The following DENND5A variants were observed in gnomAD, a reference collection of about 807,000 sequenced individuals.
DENND5A encodes DENN domain-containing protein 5A.
Under a neutral mutation model 140.3 loss-of-function variants are expected in DENND5A, and 64 were observed. The ratio of observed to expected loss-of-function variants is 0.46; its 90% confidence interval spans 0.37 to 0.56. The LOEUF is 0.56. Among genes scored for constraint, DENND5A ranks in the 20% least tolerant of loss-of-function variants. The pLI is 0.00. For synonymous variants in DENND5A, 605 were observed against 607.7 expected, an observed-to-expected ratio of 1.00 and a Z score of 0.07; for missense variants, 1,292 against 1,593.8, an observed-to-expected ratio of 0.81 and a Z score of 3.22.
intron 1 of DENND5A, among the ~76,000 whole-genome samples, chr11:9,228,239 G>A (rs1459227045): frequency 6.6e-6 from 1 of 151,952 alleles, no homozygotes; most frequent in African/African-American, 2.4e-5. Context: ...CTGGTGACCA[G>A]GGCCACTAAT....
chr11:9,160,409 T>C lies in DENND5A; in HGVS notation c.2436+304A>G, dbSNP rs117498360. On this transcript the variant is annotated intron_variant, in intron 12 of 22. Coordinates refer to ENST00000328194, the MANE Select transcript of DENND5A (RefSeq NM_015213.4). ...ACTTCCTGAGCTCCAACTTCTCTCT[T>C]TCTGGTCTATCTCTAGACTAGGGCC... Among the ~76,000 whole-genome samples the C allele has an allele frequency of 3.3e-5, 5 of 152,338 alleles. No individual in the cohort carries two copies. In the East Asian group the frequency reaches 9.6e-4, roughly 29 times the overall value.
chr11:9,147,108 T>C lies in DENND5A; in HGVS notation c.2779A>G (p.Lys927Glu), dbSNP rs1265223388. ...AGGAGGTGATAGAGGAACTGCTCCTTCTCGTCATCACAGCGCAGGAAGGCA... is the reference window on the plus strand; with the variant it reads ...AGGAGGTGATAGAGGAACTGCTCCTCCTCGTCATCACAGCGCAGGAAGGCA... ...RYAFLRCDDE[K>E]EQFLYHLLSF... Residue 927 changes from lysine to glutamate, a missense_variant, in exon 16 of 23, where the codon AAG (lysine) becomes GAG (glutamate). Physicochemically the swap from Lys to Glu is moderately conservative, Grantham distance 56. This residue lies in a region of DENND5A where 498 missense variants were observed against 689.7 expected (regional missense o/e 0.72). Transcript: ENST00000328194. 1 of 1,613,952 alleles carries C rather than the reference T, an allele frequency of 6.2e-7. No individual in the cohort carries two copies. Among genetic ancestry groups the C allele is most frequent in the East Asian group, 2.2e-5 (1 of 44,902 alleles).
chr11:9,146,612 A>T (rs1847440331), intron 16 of DENND5A, among the ~76,000 whole-genome samples: 1 of 152,256 alleles, frequency 6.6e-6, no homozygotes, highest in Non-Finnish European at 1.5e-5. Flanking sequence ...TACCTCAGAA[A>T]AGAGCTCTTT....
intron 13 of DENND5A, among the ~76,000 whole-genome samples, chr11:9,151,938 G>C (rs1847629409): frequency 6.6e-6 from 1 of 152,170 alleles, no homozygotes; most frequent in South Asian, 2.1e-4. Flanking sequence ...ATTCACACCA[G>C]GACTTGACTT....
At chr11:9,143,375 C>T in intron 20 of DENND5A, 28 bp downstream of exon 20, 9 of 1,582,534 alleles carry the variant, frequency 5.7e-6, no homozygotes, top group Non-Finnish European at 7.8e-6. Flanking sequence ...CAATGTAAGG[C>T]CCTGGATTGG....
intron 1 of DENND5A, among the ~76,000 whole-genome samples, chr11:9,216,147 C>T: frequency 6.6e-6 from 1 of 152,208 alleles, no homozygotes; most frequent in East Asian, 1.9e-4. Flanking sequence ...TGGCTACTTA[C>T]TAATTGTATG....
chr11:9,219,867 A>T (rs1045587194), intron 1 of DENND5A, among the ~76,000 whole-genome samples: 3 of 152,264 alleles, frequency 2.0e-5, no homozygotes, highest in Non-Finnish European at 4.4e-5. Flanking sequence ...GAAATTTTTC[A>T]GATGTTGCAA....
At chr11:9,200,566 T>G (rs1849488608) in intron 4 of DENND5A, among the ~76,000 whole-genome samples, 1 of 152,240 alleles carries the variant, frequency 6.6e-6, no homozygotes, top group Non-Finnish European at 1.5e-5. Context: ...TATTGGAATA[T>G]TTAGTAACAT....
At position 9,240,623 on chromosome 11, in the gene DENND5A, T is replaced by C. The variant is rs374492671; in HGVS notation, c.109+24338A>G. Among the ~76,000 whole-genome samples, 28 of 151,660 alleles carry C rather than the reference T, an allele frequency of 1.8e-4. No individual in the cohort carries two copies. In the East Asian group the frequency reaches 3.1e-3, roughly 17 times the overall value. On this transcript the variant is annotated intron_variant, in intron 1 of 22. Coordinates refer to ENST00000328194, the MANE Select transcript of DENND5A (RefSeq NM_015213.4). The stretch of plus-strand genomic sequence containing the variant: ...TACTCAGGACGATGAGGTGGGAGGA[T>C]CACTTGAGCCCTGGAGGCAGAGTTT...
At chr11:9,263,566 G>A (rs900219837) in intron 1 of DENND5A, among the ~76,000 whole-genome samples, 1 of 149,512 alleles carries the variant, frequency 6.7e-6, no homozygotes, top group African/African-American at 2.4e-5. Context: ...CACTGGGCCG[G>A]GCGCGGTGGC....
At chr11:9,231,015 A>G (rs951179298) in intron 1 of DENND5A, among the ~76,000 whole-genome samples, 1 of 152,088 alleles carries the variant, frequency 6.6e-6, no homozygotes, top group African/African-American at 2.4e-5. Context: ...AAAACCCAAA[A>G]AACTACCTAC....
intron 8 of DENND5A, among the ~76,000 whole-genome samples, chr11:9,177,253 CG>C (rs1158378245): frequency 8.4e-6 from 1 of 118,864 alleles, no homozygotes; most frequent in African/African-American, 3.4e-5. Context: ...GACCCTGTCT[CG>C]AAAAAAAAAA....
In DENND5A at chr11:9,178,236, A is replaced by C. The variant is rs1311800505; in HGVS notation, c.1802T>G (p.Leu601Arg). The change falls in exon 8 of 23, where the codon CTC becomes CGC. Residue 601 changes from leucine to arginine, a missense_variant. Leu to Arg is a moderately radical substitution (Grantham distance 102, BLOSUM62 -2). Transcript: ENST00000328194. Reference protein sequence around the residue: ...CHDDDDKDPVLRVFDSRVDKI... With the variant: ...CHDDDDKDPVRRVFDSRVDKI... ...GTCAACTCGGGAATCAAATACCCGG[A>C]GTACAGGGTCTTTATCATCATCATC... The C allele has an allele frequency of 6.2e-7, 1 of 1,612,976 alleles. No homozygotes were observed.
intron 1 of DENND5A, among the ~76,000 whole-genome samples, chr11:9,251,169 A>T (rs190663902): frequency 4.9e-4 from 75 of 151,786 alleles, no homozygotes; most frequent in East Asian, 7.7e-4. Context: ...AAAGAAAGAT[A>T]TCAAGGAATC....
At chr11:9,247,447 C>A (rs1035596482) in intron 1 of DENND5A, among the ~76,000 whole-genome samples, 2 of 151,692 alleles carry the variant, frequency 1.3e-5, no homozygotes, top group Non-Finnish European at 2.9e-5. Context: ...TAATACAGCT[C>A]TATAATGTTT....
chr11:9,239,413 G>A (rs539176221), intron 1 of DENND5A, among the ~76,000 whole-genome samples: 5 of 148,924 alleles, frequency 3.4e-5, no homozygotes, highest in Admixed American at 1.4e-4. Context: ...CATGACTCAC[G>A]GCAGCCTCAA....
intron 1 of DENND5A, among the ~76,000 whole-genome samples, chr11:9,227,432 G>T (rs149181860): frequency 1.3e-5 from 2 of 152,036 alleles, no homozygotes; most frequent in Non-Finnish European, 2.9e-5. Context: ...CTCCTGGAAC[G>T]CATGAGCACA....
chr11:9,142,679 T>C (rs1419597535), intron 21 of DENND5A, 43 bp downstream of exon 21: 2 of 1,612,168 alleles, frequency 1.2e-6, no homozygotes, highest in Non-Finnish European at 1.7e-6. Flanking sequence ...TCCCCTTATA[T>C]CTCTACATGC....
At chr11:9,253,759 T>C (rs1214527331) in intron 1 of DENND5A, among the ~76,000 whole-genome samples, 1 of 151,760 alleles carries the variant, frequency 6.6e-6, no homozygotes, top group African/African-American at 2.4e-5. Flanking sequence ...TCCAGCTACC[T>C]AGAGGCTGAG....
Sources: allele counts gnomAD v4.1 joint callset (sites outside exome capture counted in the v4.1 genomes callset), GRCh38; gene constraint gnomAD v4.1.1; regional missense constraint gnomAD v4.1.1; transcripts MANE v1.5; gene names NCBI Gene and HGNC (gene_info 2026-07-23, HGNC 2026-07-21).